The following ARHGAP6 variants were observed in gnomAD, a reference collection of about 807,000 sequenced individuals.
ARHGAP6 encodes the protein Rho GTPase activating protein 6.
In ARHGAP6, 16 loss-of-function variants were observed where a neutral mutation model predicts 55.7. The observed-to-expected ratio is 0.29, with a 90% CI of 0.19 to 0.44. The LOEUF (loss-of-function observed/expected upper bound fraction) is 0.44. ARHGAP6 is among the 20% of genes least tolerant of loss of function. ARHGAP6 has a pLI of 1.00. For synonymous variants in ARHGAP6, 382 were observed against 360.9 expected (o/e 1.06, Z -0.66); for missense variants, 698 against 808.9 (o/e 0.86, Z 1.66).
At chrX:11,394,301 G>A (rs2049449898) in intron 1 of ARHGAP6, among the ~76,000 whole-genome samples, 1 of 111,852 alleles carries the variant, frequency 8.9e-6, no homozygotes, top group Admixed American at 9.5e-5. Flanking sequence ...ATGTTGTATG[G>A]TTCCATTCAT....
Position 11,520,178 on chromosome X carries a change from T to TA in ARHGAP6, c.588+144062_588+144063insT, listed in dbSNP as rs1491472649. ...ATATATATATATATATATATATATA[T>TA]TACTTTAAGTTCTAGGGTACATGTG... On this transcript the variant is annotated intron_variant, in intron 1 of 12. Coordinates refer to ENST00000337414, the MANE Select transcript of ARHGAP6 (RefSeq NM_013427.3). Among the ~76,000 whole-genome samples the TA allele has an allele frequency of 1.4e-3, 109 of 75,723 alleles. 1 individual carries two copies. The highest frequency in any genetic ancestry group is 2.0e-3 in the Non-Finnish European group (79 of 39,707). 65.8% of individuals were successfully genotyped at this position (75,723 alleles called of 115,157 possible). A position where few individuals can be genotyped will look rare whatever the true frequency, so the allele number is the denominator to read the frequency against.
intron 1 of ARHGAP6, among the ~76,000 whole-genome samples, chrX:11,532,735 C>G (rs926016619): frequency 8.9e-6 from 1 of 112,660 alleles, no homozygotes; most frequent in South Asian, 3.6e-4. Context: ...CACACTCATT[C>G]ATTTACATAT....
chrX:11,653,050 A>C (rs1464091569), intron 1 of ARHGAP6, among the ~76,000 whole-genome samples: 2 of 112,071 alleles, frequency 1.8e-5, no homozygotes, highest in East Asian at 5.6e-4. Flanking sequence ...CTTGAAAAGC[A>C]GTCAACTTGG....
chrX:11,507,758 G>A (rs774053074), intron 1 of ARHGAP6, among the ~76,000 whole-genome samples: 1 of 111,684 alleles, frequency 9.0e-6, no homozygotes, highest in East Asian at 2.8e-4. Context: ...ATGAAGTTAT[G>A]GGACTGTCAA....
intron 1 of ARHGAP6, among the ~76,000 whole-genome samples, chrX:11,564,327 C>G (rs766416892): frequency 1.8e-5 from 2 of 110,782 alleles, no homozygotes; most frequent in Non-Finnish European, 3.8e-5. Flanking sequence ...ATTACAACTT[C>G]CATACAAATT....
chrX:11,347,954 G>A (rs1007511112), intron 1 of ARHGAP6, among the ~76,000 whole-genome samples: 3 of 111,838 alleles, frequency 2.7e-5, no homozygotes, highest in African/African-American at 9.7e-5. Flanking sequence ...TTGCCACTTT[G>A]TGGAAAAAAT....
At chrX:11,597,926 C>T (rs865848040) in intron 1 of ARHGAP6, among the ~76,000 whole-genome samples, 2 of 111,890 alleles carry the variant, frequency 1.8e-5, no homozygotes. Context: ...AACATTTTTG[C>T]AGGGAAGTAG....
At chrX:11,595,507 T>C in intron 1 of ARHGAP6, among the ~76,000 whole-genome samples, 1 of 111,249 alleles carries the variant, frequency 9.0e-6, no homozygotes, top group Middle Eastern at 4.6e-3. Flanking sequence ...ATTCAGGACA[T>C]AGGCATGAGC....
chrX:11,514,821 AC>A (rs1394439587), intron 1 of ARHGAP6, among the ~76,000 whole-genome samples: 55 of 103,040 alleles, frequency 5.3e-4, no homozygotes, highest in Non-Finnish European at 6.2e-4. Context: ...TGCCCTCTTC[AC>A]CTTTGTCTAT....
chrX:11,585,260 A>C (rs2051717697), intron 1 of ARHGAP6, among the ~76,000 whole-genome samples: 1 of 112,182 alleles, frequency 8.9e-6, no homozygotes, highest in African/African-American at 3.2e-5. Context: ...GTGTGTCTTT[A>C]TAATAAAACA....
intron 3 of ARHGAP6, among the ~76,000 whole-genome samples, chrX:11,193,378 G>A (rs1248286193): frequency 8.9e-6 from 1 of 112,525 alleles, no homozygotes; most frequent in Non-Finnish European, 1.9e-5. Flanking sequence ...ATACGCAACT[G>A]GAAGGAAATA....
intron 1 of ARHGAP6, among the ~76,000 whole-genome samples, chrX:11,439,368 C>T (rs1479698054): frequency 8.9e-6 from 1 of 112,288 alleles, no homozygotes; most frequent in East Asian, 2.8e-4. Context: ...CATAGTCACA[C>T]CCATTCGTTT....
chrX:11,340,770 G>T (rs1196378223), intron 1 of ARHGAP6, among the ~76,000 whole-genome samples: 1 of 110,682 alleles, frequency 9.0e-6, no homozygotes, highest in Non-Finnish European at 1.9e-5. Context: ...TGTTGTCACA[G>T]AAATATTTCT....
intron 1 of ARHGAP6, among the ~76,000 whole-genome samples, chrX:11,467,907 G>A (rs909867429): frequency 9.1e-6 from 1 of 109,679 alleles, no homozygotes; most frequent in African/African-American, 3.3e-5. Context: ...TTGAGCCCGA[G>A]AGGCAGAGGT....
At chrX:11,485,105 G>A (rs1285501098) in intron 1 of ARHGAP6, among the ~76,000 whole-genome samples, 1 of 111,832 alleles carries the variant, frequency 8.9e-6, no homozygotes, top group African/African-American at 3.2e-5. Flanking sequence ...GTATATATGA[G>A]ATCCTTAACA....
intron 10 of ARHGAP6, chrX:11,148,767 C>T: frequency 2.8e-6 from 1 of 354,032 alleles, no homozygotes; most frequent in Non-Finnish European, 5.5e-6. Context: ...TGGGGCCCGC[C>T]CAGCACCTTG....
chrX:11,298,920 G>C (rs775826448), intron 1 of ARHGAP6: 3 of 1,211,039 alleles, frequency 2.5e-6, no homozygotes, highest in East Asian at 5.9e-5. Flanking sequence ...CATGCTTCCT[G>C]ATCTGACTCT....
At chrX:11,569,880 T>G (rs1170879584) in intron 1 of ARHGAP6, among the ~76,000 whole-genome samples, 2 of 112,170 alleles carry the variant, frequency 1.8e-5, no homozygotes, top group Non-Finnish European at 3.8e-5. Flanking sequence ...GGCATTTATT[T>G]TTGTCATATT....
At chrX:11,386,489 G>C (rs1032637861) in intron 1 of ARHGAP6, among the ~76,000 whole-genome samples, 1 of 111,432 alleles carries the variant, frequency 9.0e-6, no homozygotes, top group Non-Finnish European at 1.9e-5. Context: ...GAATCTAGAC[G>C]TGACGAGATG....
Sources: gnomAD v4.1 joint callset for allele counts (sites outside exome capture counted in the v4.1 genomes callset) on GRCh38, gnomAD v4.1.1 for gene constraint, MANE v1.5 for transcripts, NCBI Gene and HGNC (gene_info 2026-07-23, HGNC 2026-07-21) for gene names.